Variants in EPS8 observed in about 807,000 individuals in gnomAD.
EPS8 encodes epidermal growth factor receptor kinase substrate 8.
Under a neutral mutation model 103.8 loss-of-function variants are expected in EPS8, and 42 were observed. The observed-to-expected ratio is 0.40, with a 90% CI of 0.32 to 0.52. The LOEUF is 0.52. EPS8 is among the 20% of genes least tolerant of loss of function. The pLI is 0.40. For missense variants in EPS8, 969 were observed against 1,005.1 expected (o/e 0.96, Z 0.49); for synonymous variants, 344 against 344.6 (o/e 1.00, Z 0.02).
chr12:15,696,742 C>G lies in EPS8; in HGVS notation c.-21-13770G>C, dbSNP rs999424906. 1.3e-5 allele frequency among the ~76,000 whole-genome samples: 2 copies of G among 151,964 alleles called. No individual in the cohort carries two copies. Among genetic ancestry groups the G allele is most frequent in the African/African-American group, 4.8e-5 (2 of 41,408 alleles). ...AGAAATGGGACTTTTTTTACATGTCCACTTTGAGGCCAGTGTCAATCTATA... is the reference window on the plus strand; with the variant it reads ...AGAAATGGGACTTTTTTTACATGTCGACTTTGAGGCCAGTGTCAATCTATA... On this transcript the variant is annotated intron_variant, in intron 1 of 20. Transcript: ENST00000281172. This position sits in a 1 kb window ranked among gnomAD's most constrained non-coding sequence, Gnocchi z 4.8.
In EPS8 at chr12:15,735,597, T is replaced by TTTA. The variant is rs545512085; in HGVS notation, c.-21-52626_-21-52625insTAA. ...GAATCTTTTTAATATTTTTCTAGCGTTTTATAAACTGTAAGTAAAATAGGC... is the reference window on the plus strand; with the variant it reads ...GAATCTTTTTAATATTTTTCTAGCGTTTATTTATAAACTGTAAGTAAAATAGGC... On this transcript the variant is annotated intron_variant, in intron 1 of 20. Coordinates refer to ENST00000281172, the MANE Select transcript of EPS8 (RefSeq NM_004447.6). The surrounding 1 kb of genome is among the most constrained non-coding windows in gnomAD (Gnocchi z 4.4). Among the ~76,000 whole-genome samples the TTTA allele has an allele frequency of 4.5e-4, 68 of 152,324 alleles. No individual in the cohort carries two copies. Among genetic ancestry groups the TTTA allele is most frequent in the Admixed American group, 1.4e-3 (21 of 15,294 alleles).
rs1025978674 is a variant in EPS8, at chr12:15,698,574, T to A, written c.-21-15602A>T. ...ATCCTCTTTAAAAAAAAAAAAAAAA[T>A]TTAGCTGCTAAGAAGCCCCAGGAAT... On this transcript the variant is annotated intron_variant, in intron 1 of 20. Coordinates refer to ENST00000281172, the MANE Select transcript of EPS8 (RefSeq NM_004447.6). This position sits in a 1 kb window ranked among gnomAD's most constrained non-coding sequence, Gnocchi z 4.9. 1.2e-4 allele frequency among the ~76,000 whole-genome samples: 18 copies of A among 150,748 alleles called. No individual in the cohort carries two copies. The highest frequency in any genetic ancestry group is 3.9e-4 in the African/African-American group (16 of 41,182).
Position 15,621,382 on chromosome 12 carries a change from C to T in EPS8, c.2404G>A (p.Glu802Lys), listed in dbSNP as rs1591793870. The change falls in exon 21 of 21, where the codon GAA becomes AAA. Residue 802 changes from glutamate (E) to lysine (K), a missense_variant. Coordinates refer to ENST00000281172, the MANE Select transcript of EPS8 (RefSeq NM_004447.6). ...ELQEIMRRRQ[E>K]KISAAASDSG... Reference sequence around the variant, plus strand: ...TCACTAGCGGCAGCACTGATTTTTTCCTGTCGTCTTCTCATAATTTCTTGT... The same window carrying T: ...TCACTAGCGGCAGCACTGATTTTTTTCTGTCGTCTTCTCATAATTTCTTGT... 6.2e-7 allele frequency: 1 copy of T among 1,605,316 alleles called. No individual in the cohort carries two copies. The highest frequency in any genetic ancestry group is 8.5e-7 in the Non-Finnish European group (1 of 1,176,648).
At chr12:15,658,052 T>G (rs1271271115) in intron 12 of EPS8, 27 bp downstream of exon 12, 13 of 1,389,946 alleles carry the variant, frequency 9.4e-6, no homozygotes, top group Non-Finnish European at 1.3e-5. Context: ...CTAAGAACGA[T>G]TCTTTCTTAA....
chr12:15,766,132 A>T (rs1321874577), intron 1 of EPS8, among the ~76,000 whole-genome samples: 1 of 151,442 alleles, frequency 6.6e-6, no homozygotes, highest in Non-Finnish European at 1.5e-5. Flanking sequence ...TTTAACAGAG[A>T]AAAAAAATAC....
Position 15,662,330 on chromosome 12 carries a change from A to G in EPS8, c.737-231T>C, listed in dbSNP as rs1336284688. On this transcript the variant is annotated intron_variant, in intron 8 of 20. Transcript: ENST00000281172. ...TAGTCCTCTCAACTTTATGATGTTA[A>G]TTTACCTTGTAATATCACCCCATTC... 6 of 1,263,362 alleles carry G rather than the reference A, an allele frequency of 4.7e-6. No homozygotes were observed. In the African/African-American group the frequency reaches 9.1e-5, roughly 19 times the overall value. The allele number at this position is 1,263,362 out of a possible 1,614,324, so 78.3% of individuals were successfully genotyped here. A position where few individuals can be genotyped will look rare whatever the true frequency, so the allele number is the denominator to read the frequency against.
chr12:15,632,456 G>A (rs190422372), intron 17 of EPS8, among the ~76,000 whole-genome samples: 477 of 152,204 alleles, frequency 3.1e-3, no homozygotes, highest in South Asian at 7.9e-3. Context: ...TTAAATCTAA[G>A]TAAAATAATT....
rs1946930746 is a variant in EPS8 at position 15,751,482 on chromosome 12, T to A, written c.-22+37679A>T. On this transcript the variant is annotated intron_variant, in intron 1 of 20. Coordinates refer to ENST00000281172, the MANE Select transcript of EPS8 (RefSeq NM_004447.6). This position sits in a 1 kb window ranked among gnomAD's most constrained non-coding sequence, Gnocchi z 4.3. ...ATAGCAATAAACAAGGCCACAATGA[T>A]CCCAGTCCTAAAAAGCTCACATTCA... Among the ~76,000 whole-genome samples, 1 of 152,226 alleles carries A rather than the reference T, an allele frequency of 6.6e-6. No individual in the cohort carries two copies. The highest frequency in any genetic ancestry group is 2.4e-5 in the African/African-American group (1 of 41,532).
intron 18 of EPS8, among the ~76,000 whole-genome samples, chr12:15,627,907 G>A (rs1437236229): frequency 6.6e-6 from 1 of 152,284 alleles, no homozygotes; most frequent in Admixed American, 6.5e-5. Context: ...TGGTCACTTA[G>A]GGAGCTTTTT....
chr12:15,624,278 G>A lies in EPS8; in HGVS notation c.2174C>T (p.Ser725Phe). 1 of 1,613,762 alleles carries A rather than the reference G, an allele frequency of 6.2e-7. No individual in the cohort carries two copies. Among genetic ancestry groups the A allele is most frequent in the Non-Finnish European group, 8.5e-7 (1 of 1,179,830 alleles). Residue 725 changes from serine (S) to phenylalanine (F), a missense_variant, in exon 19 of 21, where the codon TCC becomes TTC. Transcript: ENST00000281172. ...CCACGTCTTCACATCCTCTGGTGTGGAGTCGTAAGTGATATTGATAACTGG... is the reference window on the plus strand; with the variant it reads ...CCACGTCTTCACATCCTCTGGTGTGAAGTCGTAAGTGATATTGATAACTGG... ...NVPVINITYD[S>F]TPEDVKTWLQ...
chr12:15,734,198 A>C lies in EPS8; in HGVS notation c.-21-51226T>G, dbSNP rs1247724688. Among the ~76,000 whole-genome samples, 4 of 152,244 alleles carry C rather than the reference A, an allele frequency of 2.6e-5. No individual in the cohort carries two copies. The highest frequency in any genetic ancestry group is 7.2e-5 in the African/African-American group (3 of 41,532). On this transcript the variant is annotated intron_variant, in intron 1 of 20. Coordinates refer to ENST00000281172, the MANE Select transcript of EPS8 (RefSeq NM_004447.6). This position sits in a 1 kb window ranked among gnomAD's most constrained non-coding sequence, Gnocchi z 4.1. ...CAATGCCTTCAAAAATTTTCAAGTG[A>C]TGTGTAGTTCTAAAAATGTCAATGC...
In EPS8 at chr12:15,787,060, A is replaced by T. The variant is rs528070537; in HGVS notation, c.-22+2101T>A. Among the ~76,000 whole-genome samples, 135 of 152,312 alleles carry T rather than the reference A, an allele frequency of 8.9e-4. 3 individuals are homozygous for T. The South Asian group carries it at 0.027, about 31-fold the overall frequency. The stretch of plus-strand genomic sequence containing the variant: ...AAATATTACATAAATCAGTGTTAAA[A>T]TATTCATCCAATAGAACTTCAAGTA... On this transcript the variant is annotated intron_variant, in intron 1 of 20. Coordinates refer to ENST00000281172, the MANE Select transcript of EPS8 (RefSeq NM_004447.6). This position sits in a 1 kb window ranked among gnomAD's most constrained non-coding sequence, Gnocchi z 4.9.
chr12:15,650,795 C>T (rs1365151454), intron 14 of EPS8, 28 bp downstream of exon 14: 1 of 1,566,660 alleles, frequency 6.4e-7, no homozygotes, highest in Non-Finnish European at 8.8e-7. Context: ...ACACTGTCTA[C>T]AGAGGGCAAT....
intron 1 of EPS8, among the ~76,000 whole-genome samples, chr12:15,756,080 AC>A (rs1264281590): frequency 6.6e-6 from 1 of 152,198 alleles, no homozygotes; most frequent in East Asian, 1.9e-4. Flanking sequence ...GTCTGACTTA[AC>A]TTACTAAACT....
rs887042374 is a variant in EPS8 at position 15,738,485 on chromosome 12, T to C, written c.-22+50676A>G. Among the ~76,000 whole-genome samples the C allele has an allele frequency of 2.0e-5, 3 of 152,192 alleles. No individual in the cohort carries two copies. The highest frequency in any genetic ancestry group is 1.9e-4 in the East Asian group (1 of 5,202). On this transcript the variant is annotated intron_variant, in intron 1 of 20. Transcript: ENST00000281172. This position sits in a 1 kb window ranked among gnomAD's most constrained non-coding sequence, Gnocchi z 6.2. ...GTTTGGTGTTTGAAGGATCAATCTATACTAAAAATATCAAAATAATTCATT... is the reference window on the plus strand; with the variant it reads ...GTTTGGTGTTTGAAGGATCAATCTACACTAAAAATATCAAAATAATTCATT...
chr12:15,720,576 T>G (rs1032592634), intron 1 of EPS8, among the ~76,000 whole-genome samples: 1 of 152,192 alleles, frequency 6.6e-6, no homozygotes, highest in Non-Finnish European at 1.5e-5. Context: ...AATCATACAC[T>G]TAGTGATCAA....
intron 13 of EPS8, 129 bp downstream of exon 13, chr12:15,654,016 T>C (rs1945463240): frequency 2.4e-6 from 2 of 834,206 alleles, no homozygotes; most frequent in Non-Finnish European, 3.8e-6. Context: ...TTCTAGCCTT[T>C]AAGGGTTTAG....
intron 10 of EPS8, among the ~76,000 whole-genome samples, chr12:15,659,948 A>G (rs1340971667): frequency 6.6e-6 from 1 of 152,220 alleles, no homozygotes; most frequent in African/African-American, 2.4e-5. Flanking sequence ...AACAAATAAT[A>G]TGGTTCTAGT....
chr12:15,664,039 G>C (rs1242903386), intron 8 of EPS8, among the ~76,000 whole-genome samples: 1 of 140,012 alleles, frequency 7.1e-6, no homozygotes, highest in African/African-American at 2.6e-5. Context: ...TATATATTAG[G>C]TTCAACATAT....
Sources: gnomAD v4.1 joint callset for allele counts (sites outside exome capture counted in the v4.1 genomes callset) on GRCh38, gnomAD v4.1.1 for gene constraint, Gnocchi (gnomAD v3.1) non-coding constraint, MANE v1.5 for transcripts, NCBI Gene and HGNC (gene_info 2026-07-23, HGNC 2026-07-21) for gene names.